The following GRIK2 variants were observed in gnomAD, a reference collection of about 807,000 sequenced individuals.
GRIK2 encodes glutamate ionotropic receptor kainate type subunit 2.
GRIK2 carries 32 observed loss-of-function variants against 100.3 expected under a neutral mutation model. The observed-to-expected ratio is 0.32, with a 90% CI of 0.24 to 0.43. GRIK2 has a LOEUF of 0.43. Among genes scored for constraint, GRIK2 ranks in the 20% least tolerant of loss-of-function variants. The pLI is 1.00. For missense variants in GRIK2, 843 were observed against 1,114.9 expected (o/e 0.76, Z 3.47); for synonymous variants, 417 against 389.4 (o/e 1.07, Z -0.83).
At chr6:102,033,965 A>ATGTT (rs955582279) in intron 14 of GRIK2, among the ~76,000 whole-genome samples, 10 of 151,426 alleles carry the variant, frequency 6.6e-5, no homozygotes, top group African/African-American at 2.2e-4. Flanking sequence ...TTAAAAAAAA[A>ATGTT]TGTTTGATGT....
intron 14 of GRIK2, among the ~76,000 whole-genome samples, chr6:101,977,608 T>C (rs907751768): frequency 6.6e-6 from 1 of 151,988 alleles, no homozygotes; most frequent in Non-Finnish European, 1.5e-5. Context: ...TCATTGGCTG[T>C]GAGCAGAGCA....
chr6:102,048,639 C>A (rs1054744186), intron 15 of GRIK2, among the ~76,000 whole-genome samples: 2 of 151,988 alleles, frequency 1.3e-5, no homozygotes, highest in Admixed American at 6.6e-5. Flanking sequence ...CAAATTAAAA[C>A]CACAGTGACA....
At chr6:101,840,856 C>T (rs1403882623) in intron 10 of GRIK2, among the ~76,000 whole-genome samples, 1 of 152,056 alleles carries the variant, frequency 6.6e-6, no homozygotes, top group Non-Finnish European at 1.5e-5. Context: ...GCAAACAAAA[C>T]ATTTTTTCAC....
At chr6:101,621,500 G>A (rs1183380127) in intron 2 of GRIK2, among the ~76,000 whole-genome samples, 1 of 152,012 alleles carries the variant, frequency 6.6e-6, no homozygotes, top group Non-Finnish European at 1.5e-5. Flanking sequence ...AATGGAGACG[G>A]AATTTAACAC....
At chr6:101,796,675 A>G (rs991387537) in intron 7 of GRIK2, among the ~76,000 whole-genome samples, 1 of 152,166 alleles carries the variant, frequency 6.6e-6, no homozygotes, top group African/African-American at 2.4e-5. Flanking sequence ...TAGTTTGATC[A>G]GCGACTTTTA....
intron 2 of GRIK2, among the ~76,000 whole-genome samples, chr6:101,464,393 C>T (rs1314862850): frequency 6.6e-6 from 1 of 151,634 alleles, no homozygotes; most frequent in African/African-American, 2.4e-5. Context: ...TTTATAGTCC[C>T]TCCTGAGCAG....
At chr6:101,420,913 G>T (rs1301031215) in intron 2 of GRIK2, among the ~76,000 whole-genome samples, 1 of 152,204 alleles carries the variant, frequency 6.6e-6, no homozygotes, top group Admixed American at 6.5e-5. Context: ...TCATCACAGA[G>T]ATGGATACCA....
chr6:101,402,948 T>G (rs1302673073), intron 2 of GRIK2, among the ~76,000 whole-genome samples: 11 of 152,182 alleles, frequency 7.2e-5, no homozygotes, highest in African/African-American at 9.7e-5. Flanking sequence ...TAAGCTGAAC[T>G]GCGGCGGCGG....
chr6:101,470,763 T>C (rs150982291), intron 2 of GRIK2, among the ~76,000 whole-genome samples: 10 of 152,228 alleles, frequency 6.6e-5, no homozygotes, highest in Non-Finnish European at 4.4e-5. Flanking sequence ...CTCTGACACA[T>C]TGATATTATA....
intron 15 of GRIK2, among the ~76,000 whole-genome samples, chr6:102,053,871 A>G (rs879623924): frequency 2.0e-5 from 3 of 152,142 alleles, no homozygotes; most frequent in East Asian, 1.9e-4. Flanking sequence ...TGAGTGATCA[A>G]GACAGAAAGT....
intron 14 of GRIK2, among the ~76,000 whole-genome samples, chr6:101,961,571 A>G (rs1046634352): frequency 6.6e-6 from 1 of 152,094 alleles, no homozygotes; most frequent in African/African-American, 2.4e-5. Context: ...CTGGGATGGA[A>G]CCACACTCTC....
At chr6:101,562,586 G>T (rs538251942) in intron 2 of GRIK2, among the ~76,000 whole-genome samples, 10 of 151,916 alleles carry the variant, frequency 6.6e-5, no homozygotes, top group African/African-American at 1.9e-4. Flanking sequence ...CAAGTGATCC[G>T]CCTGCCTCGG....
intron 10 of GRIK2, among the ~76,000 whole-genome samples, chr6:101,841,675 T>G (rs1783514163): frequency 6.6e-6 from 1 of 152,110 alleles, no homozygotes; most frequent in Non-Finnish European, 1.5e-5. Context: ...GCAGAAAGAT[T>G]TTTTGAAACT....
At chr6:101,828,920 A>C (rs1005771129) in intron 10 of GRIK2, among the ~76,000 whole-genome samples, 8 of 152,018 alleles carry the variant, frequency 5.3e-5, no homozygotes, top group Admixed American at 1.3e-4. Context: ...TCTATAAAGC[A>C]GCATAATCCT....
intron 14 of GRIK2, among the ~76,000 whole-genome samples, chr6:101,963,400 C>G (rs1792437146): frequency 7.1e-6 from 1 of 141,728 alleles, no homozygotes; most frequent in South Asian, 2.3e-4. Flanking sequence ...TGGGTTCATG[C>G]CATTCTCCTG....
At chr6:101,677,931 T>G (rs1770958893) in intron 5 of GRIK2, among the ~76,000 whole-genome samples, 1 of 152,188 alleles carries the variant, frequency 6.6e-6, no homozygotes, top group Admixed American at 6.5e-5. Flanking sequence ...TGCTATAGTT[T>G]TATCTTTGGA....
At chr6:101,498,321 T>A (rs1582584280) in intron 2 of GRIK2, among the ~76,000 whole-genome samples, 7 of 152,046 alleles carry the variant, frequency 4.6e-5, no homozygotes. Context: ...AGTGACGCAA[T>A]AAACATACGT....
At chr6:102,029,282 G>T (rs1168327618) in intron 14 of GRIK2, among the ~76,000 whole-genome samples, 1 of 151,298 alleles carries the variant, frequency 6.6e-6, no homozygotes, top group Admixed American at 6.6e-5. Context: ...ACTAGCCATT[G>T]TTACAGGTGA....
chr6:101,542,357 T>G (rs1186925631), intron 2 of GRIK2, among the ~76,000 whole-genome samples: 1 of 152,098 alleles, frequency 6.6e-6, no homozygotes, highest in Non-Finnish European at 1.5e-5. Flanking sequence ...TTATGTATGT[T>G]CACTGTATCC....
Sources: gnomAD v4.1 joint callset for allele counts (sites outside exome capture counted in the v4.1 genomes callset) on GRCh38, gnomAD v4.1.1 for gene constraint, MANE v1.5 for transcripts, NCBI Gene and HGNC (gene_info 2026-07-23, HGNC 2026-07-21) for gene names.